ITGA9: variants seen among roughly 807,000 people sequenced by gnomAD.
The protein encoded by ITGA9 is integrin subunit alpha 9, also known as integrin alpha-9.
A neutral mutation model predicts 127.8 loss-of-function variants in ITGA9; 56 were observed. That is an observed-to-expected ratio of 0.44 (90% CI 0.35 to 0.55). The LOEUF (loss-of-function observed/expected upper bound fraction) is 0.55, where lower values mean the gene tolerates loss of function less well. ITGA9 is among the 20% of genes least tolerant of loss of function. The pLI, the probability that ITGA9 is intolerant of heterozygous loss-of-function variation, is 0.00. For synonymous variants in ITGA9, 508 were observed against 514.5 expected, an observed-to-expected ratio of 0.99 and a Z score of 0.17; for missense variants, 1,196 against 1,347.1, an observed-to-expected ratio of 0.89 and a Z score of 1.76.
intron 18 of ITGA9, among the ~76,000 whole-genome samples, chr3:37,731,166 C>G (rs751097641): frequency 6.6e-6 from 1 of 152,200 alleles, no homozygotes; most frequent in African/African-American, 2.4e-5. Context: ...TGTGTCTACT[C>G]AGAAAAGACT....
At chr3:37,750,262 T>C (rs1284477612) in intron 22 of ITGA9, among the ~76,000 whole-genome samples, 200 bp from the exon 23 acceptor site, 2 of 152,248 alleles carry the variant, frequency 1.3e-5, no homozygotes, top group African/African-American at 4.8e-5. Context: ...GATTTTTAGA[T>C]GCATGTTAGA....
At chr3:37,739,784 A>G (rs1287587850) in intron 20 of ITGA9, among the ~76,000 whole-genome samples, 1 of 152,232 alleles carries the variant, frequency 6.6e-6, no homozygotes, top group East Asian at 1.9e-4. Context: ...CCGGCCAAAC[A>G]AACGGCAGGG....
In ITGA9 at chr3:37,653,773, T is replaced by G; in HGVS notation, c.1899T>G (p.Gly633=). Residue 633 remains glycine, a synonymous_variant, in exon 17 of 28, where the codon GGT becomes GGG. Transcript: ENST00000264741. ...GTGCCGCAGACCTGCAGCTTCAGGGTAAACTGCTGCTCTCCAGGTATGTCG... is the reference window on the plus strand; with the variant it reads ...GTGCCGCAGACCTGCAGCTTCAGGGGAAACTGCTGCTCTCCAGGTATGTCG... ...EDCAADLQLQ[G]KLLLSSMDEK... is the part of the protein sequence containing the mutation. 4.3e-6 allele frequency: 7 copies of G among 1,612,950 alleles called. No individual in the cohort carries two copies. Among genetic ancestry groups the G allele is most frequent in the Non-Finnish European group, 5.9e-6 (7 of 1,178,940 alleles).
chr3:37,613,729 G>T (rs1055709210), intron 15 of ITGA9, among the ~76,000 whole-genome samples: 4 of 152,152 alleles, frequency 2.6e-5, no homozygotes, highest in African/African-American at 7.2e-5. Flanking sequence ...GATGAGCATT[G>T]TTTCATGTGT....
chr3:37,548,153 A>G (rs1699345630), intron 15 of ITGA9, among the ~76,000 whole-genome samples: 1 of 152,234 alleles, frequency 6.6e-6, no homozygotes, highest in South Asian at 2.1e-4. Context: ...ACACACAATA[A>G]CATGAATGAC....
chr3:37,665,877 C>T (rs541144783), intron 17 of ITGA9, among the ~76,000 whole-genome samples: 5 of 152,244 alleles, frequency 3.3e-5, no homozygotes, highest in Admixed American at 6.5e-5. Flanking sequence ...GGGATTTAGG[C>T]CCCAGGGAAG....
intron 15 of ITGA9, among the ~76,000 whole-genome samples, chr3:37,623,184 T>A (rs1237922022): frequency 2.0e-5 from 3 of 152,218 alleles, no homozygotes; most frequent in Non-Finnish European, 4.4e-5. Context: ...TTAACCACTG[T>A]CCTCTGCCTG....
At position 37,820,038 on chromosome 3, in the gene ITGA9, C is replaced by T. The variant is rs893156582; in HGVS notation, c.*1049C>T. 1 of 152,078 alleles carries T rather than the reference C, an allele frequency of 6.6e-6. No homozygotes were observed. Among genetic ancestry groups the T allele is most frequent in the Non-Finnish European group, 1.5e-5 (1 of 68,028 alleles). 9.4% of individuals were successfully genotyped at this position (152,078 alleles called of 1,614,324 possible). A position where few individuals can be genotyped will look rare whatever the true frequency, so the allele number is the denominator to read the frequency against. On this transcript the variant is annotated 3_prime_UTR_variant, in exon 28 of 28. Transcript: ENST00000264741. ...TTCCTTCCCAGAGAGGACATTTAAC[C>T]GTTTTAAAAAAAATGTCTTAGATTG... is the stretch of plus-strand genomic sequence containing the variant.
At chr3:37,796,881 AG>A (rs1697180006) in intron 26 of ITGA9, among the ~76,000 whole-genome samples, 2 of 152,210 alleles carry the variant, frequency 1.3e-5, no homozygotes, top group South Asian at 4.1e-4. Flanking sequence ...TGGAGTCCGT[AG>A]ACAGGAAGAT....
chr3:37,732,738 G>T lies in ITGA9; in HGVS notation c.2094G>T (p.Leu698=). ...AGGAGATGGGCATCTCCTGTGAGCT[G>T]CTGGAATCGGACTTCCTCAAATGCA... ...QKEEMGISCE[L]LESDFLKCSV... The change falls in exon 19 of 28, where the codon CTG becomes CTT. Residue 698 remains leucine (L), a synonymous_variant. Coordinates refer to ENST00000264741, the MANE Select transcript of ITGA9 (RefSeq NM_002207.3). The T allele has an allele frequency of 6.2e-7, 1 of 1,610,722 alleles. No homozygotes were observed.
At position 37,741,839 on chromosome 3, in the gene ITGA9, G is replaced by A; in HGVS notation, c.2324+20G>A. 1 of 1,599,104 alleles carries A rather than the reference G, an allele frequency of 6.3e-7. No individual in the cohort carries two copies. Among genetic ancestry groups the A allele is most frequent in the East Asian group, 2.2e-5 (1 of 44,504 alleles). ...CACCGGGTGAGTAGCCTGGTCCTGG[G>A]TTGCCACAACACAGGAGTGCCCTCC... is the stretch of plus-strand genomic sequence containing the variant. On this transcript the variant is annotated intron_variant, in intron 21 of 27. Coordinates refer to ENST00000264741, the MANE Select transcript of ITGA9 (RefSeq NM_002207.3).
intron 16 of ITGA9, among the ~76,000 whole-genome samples, chr3:37,644,944 A>G (rs1700363542): frequency 1.3e-5 from 2 of 152,132 alleles, no homozygotes; most frequent in Non-Finnish European, 2.9e-5. Context: ...TCGTTTAGGC[A>G]TGGGGCTGAA....
intron 4 of ITGA9, among the ~76,000 whole-genome samples, chr3:37,492,436 G>A (rs1175581536): frequency 1.3e-5 from 2 of 152,218 alleles, no homozygotes; most frequent in East Asian, 1.9e-4. Flanking sequence ...TCCCCTTGCT[G>A]GCCTTCAGCC....
At chr3:37,726,902 A>T (rs903942950) in intron 18 of ITGA9, among the ~76,000 whole-genome samples, 3 of 152,198 alleles carry the variant, frequency 2.0e-5, no homozygotes, top group Non-Finnish European at 4.4e-5. Flanking sequence ...TAATGTGCAG[A>T]TGCTCCTTGA....
At chr3:37,741,526 C>A (rs970896437) in intron 20 of ITGA9, among the ~76,000 whole-genome samples, 1 of 152,260 alleles carries the variant, frequency 6.6e-6, no homozygotes, top group Non-Finnish European at 1.5e-5. Context: ...AAACTACTTA[C>A]ACTCAAATCT....
At chr3:37,481,086 T>G (rs1396482499) in intron 3 of ITGA9, among the ~76,000 whole-genome samples, 2 of 152,174 alleles carry the variant, frequency 1.3e-5, no homozygotes, top group African/African-American at 2.4e-5. Flanking sequence ...TGAGCCTTTC[T>G]CACGATGTAT....
intron 26 of ITGA9, among the ~76,000 whole-genome samples, chr3:37,802,922 T>C (rs1203310218): frequency 1.3e-5 from 2 of 152,214 alleles, no homozygotes; most frequent in Non-Finnish European, 2.9e-5. Flanking sequence ...ACTTGCCTCA[T>C]TGGAACATGG....
At chr3:37,740,381 T>C (rs1423895111) in intron 20 of ITGA9, among the ~76,000 whole-genome samples, 4 of 152,208 alleles carry the variant, frequency 2.6e-5, no homozygotes, top group Non-Finnish European at 4.4e-5. Flanking sequence ...AGCCACGCAT[T>C]TTCCCAAGGA....
rs571490336 is a variant in ITGA9 at position 37,774,920 on chromosome 3, A to G, written c.2542-2472A>G. 1.1e-4 allele frequency among the ~76,000 whole-genome samples: 17 copies of G among 152,354 alleles called. No individual in the cohort carries two copies. The South Asian group carries it at 2.7e-3, about 24-fold the overall frequency. ...GGAATGTATTCAGATCAAAGATAAA[A>G]TAGAGATAAATTTAGCAAATTTTGG... On this transcript the variant is annotated intron_variant, in intron 23 of 27. Coordinates refer to ENST00000264741, the MANE Select transcript of ITGA9 (RefSeq NM_002207.3).
Sources: gnomAD v4.1 joint callset for allele counts (sites outside exome capture counted in the v4.1 genomes callset) on GRCh38, gnomAD v4.1.1 for gene constraint, MANE v1.5 for transcripts, NCBI Gene and HGNC (gene_info 2026-07-23, HGNC 2026-07-21) for gene names.